Variants in TRIM49C observed in about 807,000 individuals in gnomAD.
The protein encoded by TRIM49C is tripartite motif containing 49C, also known as tripartite motif-containing protein 49C.
TRIM49C carries 6 observed loss-of-function variants against 21.4 expected under a neutral mutation model. The ratio of observed to expected loss-of-function variants is 0.28; its 90% confidence interval spans 0.15 to 0.55. TRIM49C has a LOEUF of 0.55. TRIM49C is among the 20% of genes least tolerant of loss of function. TRIM49C has a pLI of 0.94. For missense variants in TRIM49C, 161 were observed against 442.4 expected (o/e 0.36, Z 5.71); for synonymous variants, 57 against 148.1 (o/e 0.38, Z 4.47).
intron 4 of TRIM49C, among the ~76,000 whole-genome samples, 199 bp downstream of exon 4, chr11:90,036,182 C>G (rs1457448092): frequency 9.0e-6 from 1 of 111,694 alleles, no homozygotes; most frequent in Admixed American, 1.1e-4. Context: ...AAGAAAACTA[C>G]TGATGTCACC....
the TRIM49C span, among the ~76,000 whole-genome samples, chr11:90,048,087 A>T: frequency 1.0e-5 from 1 of 99,332 alleles, no homozygotes; most frequent in East Asian, 3.2e-4. Context: ...AAGAATGTTG[A>T]ATATTGGCCC....
At position 90,041,324 on chromosome 11, in the gene TRIM49C, T is replaced by G. The variant is rs1486115637; in HGVS notation, c.1133T>G (p.Phe378Cys). Residue 378 changes from phenylalanine (F) to cysteine (C), a missense_variant, in exon 8 of 8, where the codon TTT becomes TGT. Physicochemically the swap from Phe to Cys is radical, Grantham distance 205 (BLOSUM62 -2). This residue lies in a region of TRIM49C where 63 missense variants were observed against 67.6 expected (regional missense o/e 0.93). Coordinates refer to ENST00000448984, the MANE Select transcript of TRIM49C (RefSeq NM_001195234.1). ...NEKIDGKEGL[F>C]LLGCIKNDIQ... ...AAGATAGATGGAAAGGAGGGACTCT[T>G]TCTTCTTGGGTGTATTAAGAATGAC... The G allele has an allele frequency of 6.3e-7, 1 of 1,590,176 alleles. No individual in the cohort carries two copies. Among genetic ancestry groups the G allele is most frequent in the Non-Finnish European group, 8.6e-7 (1 of 1,165,100 alleles).
the TRIM49C span, among the ~76,000 whole-genome samples, chr11:90,069,991 CT>C: frequency 7.4e-6 from 1 of 134,360 alleles, no homozygotes; most frequent in African/African-American, 2.9e-5. Context: ...CCTGAACTCC[CT>C]TGACCCACCC....
chr11:90,047,993 G>C, the TRIM49C span, among the ~76,000 whole-genome samples: 5 of 116,006 alleles, frequency 4.3e-5, 2 homozygotes, highest in Non-Finnish European at 8.6e-5. Context: ...GCATTTGCTT[G>C]TCTATACAGG....
chr11:90,039,033 C>T lies in TRIM49C; in HGVS notation c.761+318C>T, dbSNP rs1338274067. 2.9e-5 allele frequency among the ~76,000 whole-genome samples: 4 copies of T among 136,924 alleles called. 1 individual carries two copies. Among genetic ancestry groups the T allele is most frequent in the African/African-American group, 1.1e-4 (4 of 37,898 alleles). 89.8% of individuals were successfully genotyped at this position (136,924 alleles called of 152,430 possible). A position where few individuals can be genotyped will look rare whatever the true frequency, so the allele number is the denominator to read the frequency against. On this transcript the variant is annotated intron_variant, in intron 6 of 7. Transcript: ENST00000448984. The stretch of plus-strand genomic sequence containing the variant: ...CTCCCGGGTTCACACCATTCCCCTG[C>T]CTCAGCCTCCCGAGTACCCGGGACT...
chr11:90,045,299 C>A (rs1950794324), downstream of TRIM49C, among the ~76,000 whole-genome samples: 1 of 84,082 alleles, frequency 1.2e-5, no homozygotes, highest in South Asian at 5.6e-4. Flanking sequence ...GTAGTTTTTT[C>A]CAATTCTGTG....
At chr11:90,067,762 G>A in the TRIM49C span, among the ~76,000 whole-genome samples, 1,390 of 139,358 alleles carry the variant, frequency 1.0e-2, 54 homozygotes, top group African/African-American at 0.034. Flanking sequence ...GTTAGCTAAA[G>A]GAAAGAAGAT....
the TRIM49C span, among the ~76,000 whole-genome samples, chr11:90,059,907 CTT>C: frequency 3.0e-4 from 39 of 128,680 alleles, no homozygotes; most frequent in Admixed American, 3.3e-4. Flanking sequence ...CTCCCTCTGT[CTT>C]TTTTTTTTTT....
intron 2 of TRIM49C, among the ~76,000 whole-genome samples, 153 bp downstream of exon 2, chr11:90,032,735 ATTG>A (rs1427821404): frequency 2.9e-4 from 36 of 123,086 alleles, no homozygotes; most frequent in African/African-American, 1.1e-3. Flanking sequence ...AAGGATACTA[ATTG>A]TTGTTATTTT....
chr11:90,069,487 G>T, the TRIM49C span, among the ~76,000 whole-genome samples: 1 of 132,012 alleles, frequency 7.6e-6, no homozygotes, highest in Non-Finnish European at 1.6e-5. Context: ...ACCTAAAGGA[G>T]GCTAGAAACG....
chr11:90,038,708 T>C lies in TRIM49C; in HGVS notation c.754T>C (p.Leu252=). The C allele has an allele frequency of 1.8e-6, 2 of 1,102,140 alleles. No individual in the cohort carries two copies. Among genetic ancestry groups the C allele is most frequent in the Non-Finnish European group, 2.4e-6 (2 of 822,708 alleles). 68.3% of individuals were successfully genotyped at this position (1,102,140 alleles called of 1,614,324 possible). Residue 252 remains leucine (L), a synonymous_variant, in exon 6 of 8, where the codon TTA becomes CTA. Transcript: ENST00000448984. ...TTTTTTTCAGGCTTTTGGAGACATA[T>C]TACACAGGTGAGTGTGTACCTAGAT... ...VELLQAFGDI[L]HRSESVLLHM... is the part of the protein sequence containing the mutation.
At chr11:90,052,445 G>C in the TRIM49C span, 1 of 175,728 alleles carries the variant, frequency 5.7e-6, no homozygotes, top group African/African-American at 2.5e-5. Flanking sequence ...AGGGCGCCCC[G>C]GTCCTCTGGG....
In TRIM49C at chr11:90,037,071, ATATGTATGTATG is replaced by A. The variant is rs4002106; in HGVS notation, c.508-660_508-649del. Among the ~76,000 whole-genome samples the A allele has an allele frequency of 4.5e-4, 56 of 123,930 alleles. 7 individuals carry two copies. The highest frequency in any genetic ancestry group is 6.5e-4 in the African/African-American group (23 of 35,224). 81.3% of individuals were successfully genotyped at this position (123,930 alleles called of 152,430 possible). On this transcript the variant is annotated intron_variant, in intron 4 of 7. Coordinates refer to ENST00000448984, the MANE Select transcript of TRIM49C (RefSeq NM_001195234.1). ...TGTATGTGTGTGTGGTTGTGTGTAT[ATATGTATGTATG>A]TATGTATGTATGTATGTGTGTGTGT... is the stretch of plus-strand genomic sequence containing the variant.
intron 4 of TRIM49C, among the ~76,000 whole-genome samples, chr11:90,036,727 A>T (rs1289589970): frequency 7.2e-6 from 1 of 138,570 alleles, no homozygotes; most frequent in African/African-American, 2.6e-5. Flanking sequence ...AAATTAGAAA[A>T]TATACTAGTA....
chr11:90,057,176 TAA>T, the TRIM49C span, among the ~76,000 whole-genome samples: 1 of 124,140 alleles, frequency 8.1e-6, no homozygotes, highest in African/African-American at 3.4e-5. Flanking sequence ...AAAAGTAGAT[TAA>T]GTGTTCTGAA....
the TRIM49C span, chr11:90,057,870 C>A: frequency 7.4e-7 from 1 of 1,357,926 alleles, no homozygotes; most frequent in Non-Finnish European, 9.8e-7. Flanking sequence ...ATCTGCTGTT[C>A]TGGAATCTCG....
chr11:90,064,229 A>AT, the TRIM49C span, among the ~76,000 whole-genome samples: 2 of 149,892 alleles, frequency 1.3e-5, no homozygotes, highest in South Asian at 2.1e-4. Flanking sequence ...TCCTTTCAAT[A>AT]CATTAAATGT....
chr11:90,054,429 C>CTTAT, the TRIM49C span, among the ~76,000 whole-genome samples: 2 of 132,710 alleles, frequency 1.5e-5, no homozygotes, highest in African/African-American at 5.2e-5. Context: ...TATTTATTTA[C>CTTAT]TTATTTATTC....
chr11:90,060,310 T>C, the TRIM49C span, among the ~76,000 whole-genome samples: 1 of 147,866 alleles, frequency 6.8e-6, no homozygotes, highest in African/African-American at 2.5e-5. Flanking sequence ...TTATGAGAGA[T>C]TTTTCCTTCT....
Sources: allele counts gnomAD v4.1 joint callset (sites outside exome capture counted in the v4.1 genomes callset), GRCh38; gene constraint gnomAD v4.1.1; regional missense constraint gnomAD v4.1.1; transcripts MANE v1.5; gene names NCBI Gene and HGNC (gene_info 2026-07-23, HGNC 2026-07-21).